GRTP1: variants seen among roughly 807,000 people sequenced by gnomAD.
GRTP1 encodes the protein growth hormone regulated TBC protein 1.
A neutral mutation model predicts 38.1 loss-of-function variants in GRTP1; 56 were observed. That is an observed-to-expected ratio of 1.47 (90% CI 1.19 to 1.84). GRTP1 has a LOEUF of 1.84. Ranked by LOEUF, GRTP1 falls within the 40% of genes most tolerant of loss-of-function variation. The pLI, the probability that GRTP1 is intolerant of heterozygous loss-of-function variation, is 0.00. For synonymous variants in GRTP1, 217 were observed against 189.5 expected, an observed-to-expected ratio of 1.14 and a Z score of -1.19; for missense variants, 506 against 453.9, an observed-to-expected ratio of 1.11 and a Z score of -1.04.
chr13:113,338,483 C>T (rs971358795), intron 5 of GRTP1, among the ~76,000 whole-genome samples: 1 of 152,074 alleles, frequency 6.6e-6, no homozygotes, highest in East Asian at 1.9e-4. Flanking sequence ...TGGGGGAAAC[C>T]GGGGAGGCAG....
intron 5 of GRTP1, among the ~76,000 whole-genome samples, chr13:113,334,036 T>C (rs1034596059): frequency 6.6e-6 from 1 of 151,966 alleles, no homozygotes. Context: ...GGTTTCGCCA[T>C]ACTGGCCAAG....
At chr13:113,363,101 A>G (rs534342448) in intron 2 of GRTP1, among the ~76,000 whole-genome samples, 5 of 152,282 alleles carry the variant, frequency 3.3e-5, no homozygotes, top group African/African-American at 1.2e-4. Flanking sequence ...GGCGCCCCGG[A>G]GGAGGGGGCC....
intron 5 of GRTP1, among the ~76,000 whole-genome samples, chr13:113,327,538 C>T (rs559020714): frequency 6.6e-6 from 1 of 152,360 alleles, no homozygotes; most frequent in East Asian, 1.9e-4. Context: ...GACGCAACAT[C>T]ACGGTCCTGT....
intron 3 of GRTP1, among the ~76,000 whole-genome samples, chr13:113,353,361 G>A (rs1231606463): frequency 6.6e-6 from 1 of 152,242 alleles, no homozygotes. Flanking sequence ...AGAGCCCAGG[G>A]GTCCACTGAT....
chr13:113,335,567 C>T (rs1360326211), intron 5 of GRTP1, among the ~76,000 whole-genome samples: 4 of 152,264 alleles, frequency 2.6e-5, no homozygotes, highest in African/African-American at 4.8e-5. Flanking sequence ...TACTAACACA[C>T]GGTCTCACTT....
rs186873307 is a variant in GRTP1, at chr13:113,350,932, T to C, written c.382A>G (p.Thr128Ala). 9.9e-6 allele frequency: 16 copies of C among 1,613,704 alleles called. No homozygotes were observed. In the East Asian group the frequency reaches 3.1e-4, roughly 31 times the overall value. The change falls in exon 4 of 8, where the codon ACC (threonine) becomes GCC (alanine). Residue 128 changes from threonine to alanine, a missense_variant. By Grantham distance (58) the Thr-to-Ala change is moderately conservative (BLOSUM62 0). Coordinates refer to ENST00000375431, the MANE Select transcript of GRTP1 (RefSeq NM_024719.4). ...GTCCTCTGTAAGCAGGGGTCCGTGGTCTTCCGGAACTTCACGTTGTCGGGG... is the reference window on the plus strand; with the variant it reads ...GTCCTCTGTAAGCAGGGGTCCGTGGCCTTCCGGAACTTCACGTTGTCGGGG... Reference protein sequence around the residue: ...TFPDNVKFRKTTDPCLQRTLY... With the variant: ...TFPDNVKFRKATDPCLQRTLY...
At chr13:113,334,282 A>ACCCTGCACTGCTACGACT (rs55801264) in intron 5 of GRTP1, among the ~76,000 whole-genome samples, 2 of 145,038 alleles carry the variant, frequency 1.4e-5, no homozygotes, top group Admixed American at 7.1e-5. Context: ...CTGCCACGAC[A>ACCCTGCACTGCTACGACT]GCCTCCCGCC....
At chr13:113,352,626 T>A (rs938166404) in intron 3 of GRTP1, among the ~76,000 whole-genome samples, 1 of 152,022 alleles carries the variant, frequency 6.6e-6, no homozygotes, top group African/African-American at 2.4e-5. Context: ...TCCGCCTGCC[T>A]CAGCTTCCCG....
At chr13:113,330,656 G>T (rs185258347) in intron 5 of GRTP1, among the ~76,000 whole-genome samples, 7 of 11,432 alleles carry the variant, frequency 6.1e-4, no homozygotes, top group East Asian at 3.4e-3. Flanking sequence ...GGGAGCCCAG[G>T]TGTGTGCATG....
In GRTP1 at chr13:113,350,815, C is replaced by A. The variant is rs542316167; in HGVS notation, c.465+34G>T. 17 of 1,531,902 alleles carry A rather than the reference C, an allele frequency of 1.1e-5. No homozygotes were observed. In the African/African-American group the frequency reaches 2.2e-4, roughly 20 times the overall value. The allele number at this position is 1,531,902 out of a possible 1,614,324, so 94.9% of individuals were successfully genotyped here. A position where few individuals can be genotyped will look rare whatever the true frequency, so the allele number is the denominator to read the frequency against. On this transcript the variant is annotated intron_variant, in intron 4 of 7. Transcript: ENST00000375431. ...GCTGTGGACAGACCTGTCCTCACAG[C>A]CACCTCATGGCGTCAGAGGGTCCCG...
rs33972835 is a variant in GRTP1 at position 113,333,874 on chromosome 13, T to TGTGTGTGTGTGC, written c.563-7784_563-7783insGCACACACACAC. 9.2e-3 allele frequency among the ~76,000 whole-genome samples: 1,244 copies of TGTGTGTGTGTGC among 135,310 alleles called. 18 individuals are homozygous for TGTGTGTGTGTGC. Among genetic ancestry groups the TGTGTGTGTGTGC allele is most frequent in the Middle Eastern group, 0.031 (8 of 262 alleles). The allele number at this position is 135,310 out of a possible 152,430, so 88.8% of individuals were successfully genotyped here. A position where few individuals can be genotyped will look rare whatever the true frequency, so the allele number is the denominator to read the frequency against. ...GTGTGTGTGTGTGTGTGTGTGTGTG[T>TGTGTGTGTGTGC]CCGAGGCTGGAGTGCAGTAGCGCGA... is the stretch of plus-strand genomic sequence containing the variant. On this transcript the variant is annotated intron_variant, in intron 5 of 7. Coordinates refer to ENST00000375431, the MANE Select transcript of GRTP1 (RefSeq NM_024719.4).
intron 7 of GRTP1, chr13:113,325,457 A>G: frequency 6.9e-7 from 1 of 1,449,094 alleles, no homozygotes; most frequent in African/African-American, 1.4e-5. Context: ...TGCCAGGGCC[A>G]AGAAGACAGG....
chr13:113,352,360 T>TA (rs2043299343), intron 3 of GRTP1, among the ~76,000 whole-genome samples: 2 of 50,640 alleles, frequency 3.9e-5, no homozygotes, highest in East Asian at 5.9e-4. Context: ...TATATATATT[T>TA]TATATATATA....
Position 113,325,933 on chromosome 13 carries a change from T to A in GRTP1, c.721A>T (p.Ile241Phe). 1 of 1,613,750 alleles carries A rather than the reference T, an allele frequency of 6.2e-7. No homozygotes were observed. Among genetic ancestry groups the A allele is most frequent in the East Asian group, 2.2e-5 (1 of 44,800 alleles). Reference sequence around the variant, plus strand: ...GAGGCGCTCACCTCCACGGGCAAGATGTCCACAAACAGGCAGATGAACCAG... The same window carrying A: ...GAGGCGCTCACCTCCACGGGCAAGAAGTCCACAAACAGGCAGATGAACCAG... ...SRWFICLFVD[I>F]LPVETVLRIW... Residue 241 changes from isoleucine (I) to phenylalanine (F), a missense_variant, in exon 6 of 8, where the codon ATC becomes TTC. Ile to Phe is a conservative substitution (Grantham distance 21). Coordinates refer to ENST00000375431, the MANE Select transcript of GRTP1 (RefSeq NM_024719.4).
At position 113,347,317 on chromosome 13, in the gene GRTP1, T is replaced by A. The variant is rs1266701868; in HGVS notation, c.466-2358A>T. On this transcript the variant is annotated intron_variant, in intron 4 of 7. Transcript: ENST00000375431. ...CTGAGCGGATCTGGGAGGACCTCTG[T>A]GGCAGAGAGCAGACCCGGGAGGACC... Among the ~76,000 whole-genome samples the A allele has an allele frequency of 9.7e-5, 8 of 82,294 alleles. 1 individual carries two copies. The highest frequency in any genetic ancestry group is 4.3e-4 in the African/African-American group (7 of 16,320). 54.0% of individuals were successfully genotyped at this position (82,294 alleles called of 152,430 possible). A position where few individuals can be genotyped will look rare whatever the true frequency, so the allele number is the denominator to read the frequency against.
At chr13:113,357,386 A>G (rs1308494077) in intron 2 of GRTP1, among the ~76,000 whole-genome samples, 1 of 144,756 alleles carries the variant, frequency 6.9e-6, no homozygotes, top group African/African-American at 2.6e-5. Flanking sequence ...CAGAGGTTGC[A>G]GTGAGCCGAG....
chr13:113,347,060 G>A lies in GRTP1; in HGVS notation c.466-2101C>T, dbSNP rs1358192626. Among the ~76,000 whole-genome samples the A allele has an allele frequency of 2.0e-4, 2 of 10,164 alleles. 1 individual carries two copies. Among genetic ancestry groups the A allele is most frequent in the Non-Finnish European group, 4.2e-4 (2 of 4,796 alleles). The allele number at this position is 10,164 out of a possible 152,430, so 6.7% of individuals were successfully genotyped here. ...CCTGGGAGGACCTCTGTGGCTGAGC[G>A]GATCTGGGAGGACCTCTGTGGCAGA... On this transcript the variant is annotated intron_variant, in intron 4 of 7. Coordinates refer to ENST00000375431, the MANE Select transcript of GRTP1 (RefSeq NM_024719.4).
At chr13:113,353,473 T>C (rs1330759453) in intron 3 of GRTP1, among the ~76,000 whole-genome samples, 3 of 152,220 alleles carry the variant, frequency 2.0e-5, no homozygotes, top group South Asian at 4.1e-4. Flanking sequence ...AGAGGATCCC[T>C]GAGGACTGAG....
rs778399255 is a variant in GRTP1, at chr13:113,325,708, GCTTAAA to G, written c.868_873del (p.Phe290_Lys291del). 6.2e-7 allele frequency: 1 copy of G among 1,614,198 alleles called. No homozygotes were observed. Among genetic ancestry groups the G allele is most frequent in the Non-Finnish European group, 8.5e-7 (1 of 1,180,032 alleles). On this transcript the variant is annotated inframe_deletion, in exon 7 of 8. Coordinates refer to ENST00000375431, the MANE Select transcript of GRTP1 (RefSeq NM_024719.4). ...ATCACGAAACTCCCTTTGGTTATCTGCTTAAACTTATCGCAAATGTCTGGAACGCTG... is the reference window on the plus strand; with the variant it reads ...ATCACGAAACTCCCTTTGGTTATCTGCTTATCGCAAATGTCTGGAACGCTG...
Sources: gnomAD v4.1 joint callset for allele counts (sites outside exome capture counted in the v4.1 genomes callset) on GRCh38, gnomAD v4.1.1 for gene constraint, MANE v1.5 for transcripts, NCBI Gene and HGNC (gene_info 2026-07-23, HGNC 2026-07-21) for gene names.